CUX1: variants seen among roughly 807,000 people sequenced by gnomAD.
CUX1 encodes protein CASP.
Under a neutral mutation model 158.8 loss-of-function variants are expected in CUX1, and 31 were observed. The observed-to-expected ratio is 0.20, with a 90% confidence interval of 0.15 to 0.26. The LOEUF (loss-of-function observed/expected upper bound fraction) is 0.26, where lower values mean the gene tolerates loss of function less well. CUX1 is among the 10% of genes least tolerant of loss of function. The pLI is 1.00. For synonymous variants in CUX1, 879 were observed against 862.1 expected, an observed-to-expected ratio of 1.02 and a Z score of -0.34; for missense variants, 1,589 against 2,014.6, an observed-to-expected ratio of 0.79 and a Z score of 4.04.
intron 8 of CUX1, 113 bp from the exon 9 acceptor site, chr7:102,158,447 C>A: frequency 1.0e-6 from 1 of 972,404 alleles, no homozygotes; most frequent in Non-Finnish European, 1.6e-6. Context: ...ACAGCATTGA[C>A]TCACGGGTCT....
chr7:102,127,992 T>C (rs1832828995), intron 8 of CUX1, among the ~76,000 whole-genome samples: 1 of 152,174 alleles, frequency 6.6e-6, no homozygotes, highest in Non-Finnish European at 1.5e-5. Flanking sequence ...GGACTACAGG[T>C]GTGTGCCACC....
rs1554512681 is a variant in CUX1, at chr7:102,178,473, A to C, written c.833A>C (p.Gln278Pro). ...SQIQKAPDVE[Q>P]AIEVLTRSSL... ...CATCTCTTTTCTCCTCCCCAGGAGC[A>C]GGCCATAGAGGTGCTGACCCGCTCC... Residue 278 changes from glutamine to proline, a missense_variant, in exon 11 of 24, where the codon CAG becomes CCG. Coordinates refer to ENST00000292535, the MANE Select transcript of CUX1 (RefSeq NM_181552.4). 2 of 1,592,810 alleles carry C rather than the reference A, an allele frequency of 1.3e-6. No individual in the cohort carries two copies. The highest frequency in any genetic ancestry group is 1.7e-6 in the Non-Finnish European group (2 of 1,163,572).
intron 4 of CUX1, among the ~76,000 whole-genome samples, chr7:102,077,642 A>G (rs1468020255): frequency 1.4e-4 from 21 of 152,060 alleles, no homozygotes; most frequent in African/African-American, 4.3e-4. Context: ...AAAAAAATAA[A>G]CAAGTAAAAT....
chr7:102,274,415 A>T (rs1237782911), intron 16 of CUX1: 1 of 1,011,886 alleles, frequency 9.9e-7, no homozygotes, highest in Non-Finnish European at 1.5e-6. Flanking sequence ...TTCCTCTAAG[A>T]AGGTCAGGCC....
intron 2 of CUX1, among the ~76,000 whole-genome samples, chr7:101,923,849 A>C (rs1805267004): frequency 6.6e-6 from 1 of 152,192 alleles, no homozygotes; most frequent in Non-Finnish European, 1.5e-5. Flanking sequence ...TGCTCACAGA[A>C]CTGCCCATCC....
intron 1 of CUX1, among the ~76,000 whole-genome samples, chr7:101,883,905 A>G (rs143147174): frequency 2.3e-3 from 324 of 143,232 alleles, no homozygotes; most frequent in Non-Finnish European, 3.8e-3. Context: ...CCAAATTATT[A>G]TTATTTTTTA....
intron 3 of CUX1, among the ~76,000 whole-genome samples, chr7:102,059,556 C>T (rs572710039): frequency 4.7e-5 from 7 of 148,396 alleles, no homozygotes; most frequent in Admixed American, 1.4e-4. Context: ...CACTTGAACC[C>T]GGGAGGTGGA....
At chr7:101,937,256 T>A (rs910319536) in intron 2 of CUX1, among the ~76,000 whole-genome samples, 3 of 152,130 alleles carry the variant, frequency 2.0e-5, no homozygotes, top group African/African-American at 7.2e-5. Flanking sequence ...AGACATTAGC[T>A]CCTGGAGGGG....
At chr7:102,242,691 C>A (rs537330231) in intron 23 of CUX1, among the ~76,000 whole-genome samples, 1 of 152,312 alleles carries the variant, frequency 6.6e-6, no homozygotes, top group South Asian at 2.1e-4. Flanking sequence ...TGTTCCCTGG[C>A]CCTGCTGGAG....
At chr7:102,070,492 T>C in intron 4 of CUX1, 75 bp downstream of exon 4, 1 of 1,139,220 alleles carries the variant, frequency 8.8e-7, no homozygotes, top group Non-Finnish European at 1.3e-6. Flanking sequence ...GGCTCATTCT[T>C]CTTGGCTTTC....
chr7:102,235,883 C>T (rs1016939706), intron 22 of CUX1, among the ~76,000 whole-genome samples: 43 of 151,678 alleles, frequency 2.8e-4, no homozygotes, highest in African/African-American at 9.4e-4. Flanking sequence ...AGCCAAGCAT[C>T]GCCGTTCTCA....
At chr7:101,851,435 G>A (rs968786948) in intron 1 of CUX1, among the ~76,000 whole-genome samples, 3 of 151,956 alleles carry the variant, frequency 2.0e-5, no homozygotes, top group African/African-American at 7.2e-5. Context: ...ACTCGTGTAC[G>A]CCATGGCTTT....
rs1478393996 is a variant in CUX1 at position 102,254,296 on chromosome 7, C to G, written c.*5254C>G. On this transcript the variant is annotated 3_prime_UTR_variant, in exon 24 of 24. Transcript: ENST00000292535. The stretch of plus-strand genomic sequence containing the variant: ...GCCATTATCCTTGTCCCGGACTGCC[C>G]CAAAGTTCCCAGCTGGCTTTGGGGA... 2.0e-6 allele frequency: 2 copies of G among 985,442 alleles called. No individual in the cohort carries two copies. The highest frequency in any genetic ancestry group is 9.4e-5 in the South Asian group (2 of 21,276). 61.0% of individuals were successfully genotyped at this position (985,442 alleles called of 1,614,324 possible).
At chr7:102,283,361 G>T in exon 23 of CUX1, 1 of 497,982 alleles carries the variant, frequency 2.0e-6, no homozygotes, top group South Asian at 2.4e-5. Flanking sequence ...TTAGGGCTCT[G>T]CCCGCAGCCT....
At chr7:102,242,205 CTTTTTTTT>C (rs67514665) in intron 23 of CUX1, among the ~76,000 whole-genome samples, 18 of 93,072 alleles carry the variant, frequency 1.9e-4, no homozygotes, top group Non-Finnish European at 3.1e-4. Context: ...TTCTTTCTTT[CTTTTTTTT>C]TTTTTTTTTT....
exon 18 of CUX1, chr7:102,278,025 T>C (rs1791733487): frequency 6.3e-7 from 1 of 1,599,722 alleles, no homozygotes; most frequent in Non-Finnish European, 8.5e-7. Context: ...AACATCAAGC[T>C]CTTTGAGAAG....
At chr7:102,063,370 A>T (rs1585486151) in intron 3 of CUX1, among the ~76,000 whole-genome samples, 1 of 129,300 alleles carries the variant, frequency 7.7e-6, no homozygotes, top group South Asian at 2.3e-4. Flanking sequence ...TTACATATTA[A>T]GTATTTCCTT....
chr7:102,212,033 C>T (rs530123429), intron 20 of CUX1, among the ~76,000 whole-genome samples: 2 of 152,212 alleles, frequency 1.3e-5, no homozygotes, highest in African/African-American at 4.8e-5. Context: ...CCGGAAAGCC[C>T]CTTTGTCACT....
At chr7:102,061,757 G>A (rs535349150) in intron 3 of CUX1, among the ~76,000 whole-genome samples, 1 of 152,174 alleles carries the variant, frequency 6.6e-6, no homozygotes, top group South Asian at 2.1e-4. Context: ...CTTCTTGGCC[G>A]GTCACAGTGG....
Sources: gnomAD v4.1 joint callset for allele counts (sites outside exome capture counted in the v4.1 genomes callset) on GRCh38, gnomAD v4.1.1 for gene constraint, MANE v1.5 for transcripts, NCBI Gene and HGNC (gene_info 2026-07-23, HGNC 2026-07-21) for gene names.